The following HSPA12A variants were observed in gnomAD, a reference collection of about 807,000 sequenced individuals.
The protein encoded by HSPA12A is heat shock 70 kDa protein 12A.
In HSPA12A, 28 loss-of-function variants were observed where a neutral mutation model predicts 69.2. That is an observed-to-expected ratio of 0.40 (90% CI 0.30 to 0.55). HSPA12A has a LOEUF of 0.55. Among genes scored for constraint, HSPA12A ranks in the 20% least tolerant of loss-of-function variants. The probability of loss-of-function intolerance (pLI) is 0.38; values close to 1 mark genes in which losing one functional copy is unlikely to be tolerated. For missense variants in HSPA12A, 686 were observed against 900.7 expected, an observed-to-expected ratio of 0.76 and a Z score of 3.05; for synonymous variants, 345 against 370.5, an observed-to-expected ratio of 0.93 and a Z score of 0.79.
At chr10:116,833,769 G>A (rs1201548702) in intron 2 of HSPA12A, among the ~76,000 whole-genome samples, 3 of 152,120 alleles carry the variant, frequency 2.0e-5, no homozygotes, top group Non-Finnish European at 2.9e-5. Flanking sequence ...TTATTATTAC[G>A]TCTTCAGAAG....
At chr10:116,810,359 C>A (rs530071696) in intron 2 of HSPA12A, among the ~76,000 whole-genome samples, 1 of 152,250 alleles carries the variant, frequency 6.6e-6, no homozygotes, top group African/African-American at 2.4e-5. Flanking sequence ...ATTTAACTGA[C>A]CTTTGGCCAT....
chr10:116,809,159 C>T (rs1257583749), intron 2 of HSPA12A, among the ~76,000 whole-genome samples: 1 of 152,114 alleles, frequency 6.6e-6, no homozygotes, highest in Non-Finnish European at 1.5e-5. Flanking sequence ...AGCCACTTCC[C>T]GGCACCTGGC....
At chr10:116,835,885 C>T (rs1208409733) in intron 1 of HSPA12A, among the ~76,000 whole-genome samples, 2 of 152,002 alleles carry the variant, frequency 1.3e-5, no homozygotes, top group Non-Finnish European at 2.9e-5. Context: ...GTGGTGAATG[C>T]CTGTGAGTAG....
At chr10:116,821,638 G>C (rs1255541300) in intron 2 of HSPA12A, among the ~76,000 whole-genome samples, 4 of 152,238 alleles carry the variant, frequency 2.6e-5, no homozygotes, top group Non-Finnish European at 5.9e-5. Flanking sequence ...ATAATGTGTA[G>C]AACTGTGCTC....
chr10:116,705,791 A>T (rs1850225118), intron 2 of HSPA12A, among the ~76,000 whole-genome samples: 1 of 151,920 alleles, frequency 6.6e-6, no homozygotes, highest in Non-Finnish European at 1.5e-5. Flanking sequence ...CAATCCCACC[A>T]GGCCAGCCAC....
intron 2 of HSPA12A, among the ~76,000 whole-genome samples, chr10:116,752,805 T>C (rs113912158): frequency 2.0e-5 from 3 of 152,290 alleles, no homozygotes; most frequent in South Asian, 2.1e-4. Context: ...ACTAGGGCCA[T>C]TGGAACATTT....
At chr10:116,817,402 G>A (rs530153101) in intron 2 of HSPA12A, among the ~76,000 whole-genome samples, 39 of 152,118 alleles carry the variant, frequency 2.6e-4, no homozygotes, top group African/African-American at 8.2e-4. Context: ...GCTAACCCTC[G>A]GCACAGCCTT....
intron 1 of HSPA12A, among the ~76,000 whole-genome samples, chr10:116,721,599 C>G (rs1850778897): frequency 6.6e-6 from 1 of 152,216 alleles, no homozygotes; most frequent in African/African-American, 2.4e-5. Flanking sequence ...AAACGAAAAC[C>G]CGGGTGTGCG....
At chr10:116,768,300 C>T (rs1219423566) in intron 2 of HSPA12A, among the ~76,000 whole-genome samples, 5 of 152,132 alleles carry the variant, frequency 3.3e-5, no homozygotes, top group African/African-American at 1.2e-4. Context: ...CTGGAGTAGG[C>T]AAATCCATAG....
chr10:116,730,140 G>A (rs1264008089), intron 1 of HSPA12A, among the ~76,000 whole-genome samples: 1 of 152,206 alleles, frequency 6.6e-6, no homozygotes, highest in Non-Finnish European at 1.5e-5. Flanking sequence ...CTGAGATGGT[G>A]CCACTGCACT....
chr10:116,688,202 G>A (rs1473021167), intron 6 of HSPA12A, among the ~76,000 whole-genome samples: 2 of 152,172 alleles, frequency 1.3e-5, no homozygotes, highest in Non-Finnish European at 2.9e-5. Flanking sequence ...GCACACAGTA[G>A]GTGTTCAGGA....
chr10:116,740,636 CCG>C (rs1851458514), intron 1 of HSPA12A, among the ~76,000 whole-genome samples: 6 of 137,680 alleles, frequency 4.4e-5, no homozygotes, highest in Middle Eastern at 3.8e-3. Flanking sequence ...TCTCCCAGCA[CCG>C]TGTGTGTGTG....
At chr10:116,714,076 T>G (rs552436619) in intron 1 of HSPA12A, among the ~76,000 whole-genome samples, 1 of 147,264 alleles carries the variant, frequency 6.8e-6, no homozygotes. Flanking sequence ...GGTGGGTGGG[T>G]GGGTGAGTGG....
At chr10:116,705,715 G>A (rs2132980933) in intron 2 of HSPA12A, among the ~76,000 whole-genome samples, 1 of 152,290 alleles carries the variant, frequency 6.6e-6, no homozygotes, top group East Asian at 1.9e-4. Context: ...GTACACCCAG[G>A]TGACTGCTCC....
chr10:116,742,571 C>T (rs1554887372), upstream of HSPA12A: 3 of 1,145,046 alleles, frequency 2.6e-6, no homozygotes, highest in Non-Finnish European at 2.1e-6. Flanking sequence ...GTGTCTGAGC[C>T]GCCGGGCAGC....
Position 116,710,948 on chromosome 10 carries a change from G to A in HSPA12A, c.41-3663C>T, listed in dbSNP as rs1210019892. On this transcript the variant is annotated intron_variant, in intron 1 of 11. Coordinates refer to ENST00000369209, the MANE Select transcript of HSPA12A (RefSeq NM_025015.3). This position sits in a 1 kb window ranked among gnomAD's most constrained non-coding sequence, Gnocchi z 4.1. ...TCTCACCCCCTGAGGAGAATGGGGAGTTTAATTCTGATGTGTCCCAACAAG... is the reference window on the plus strand; with the variant it reads ...TCTCACCCCCTGAGGAGAATGGGGAATTTAATTCTGATGTGTCCCAACAAG... Among the ~76,000 whole-genome samples the A allele has an allele frequency of 6.6e-6, 1 of 152,180 alleles. No individual in the cohort carries two copies. The highest frequency in any genetic ancestry group is 1.5e-5 in the Non-Finnish European group (1 of 68,032).
intron 2 of HSPA12A, among the ~76,000 whole-genome samples, chr10:116,798,057 G>C (rs1317081476): frequency 3.7e-4 from 2 of 5,354 alleles, no homozygotes; most frequent in Admixed American, 9.1e-3. Context: ...TCTGGAGAGA[G>C]GCAGGGGCTG....
intron 1 of HSPA12A, among the ~76,000 whole-genome samples, chr10:116,737,089 T>C (rs1554886497): frequency 6.6e-6 from 1 of 152,228 alleles, no homozygotes; most frequent in South Asian, 2.1e-4. Flanking sequence ...GAGACTGTTA[T>C]AATCCATACT....
intron 5 of HSPA12A, among the ~76,000 whole-genome samples, chr10:116,694,641 C>T (rs782214537): frequency 2.6e-5 from 4 of 152,110 alleles, no homozygotes; most frequent in Non-Finnish European, 2.9e-5. Flanking sequence ...ATTTTGCCCC[C>T]GAGCCCCTAC....
Sources: gnomAD v4.1 joint callset for allele counts (sites outside exome capture counted in the v4.1 genomes callset) on GRCh38, gnomAD v4.1.1 for gene constraint, Gnocchi (gnomAD v3.1) non-coding constraint, MANE v1.5 for transcripts, NCBI Gene and HGNC (gene_info 2026-07-23, HGNC 2026-07-21) for gene names.